PCDH15: variants seen among roughly 807,000 people sequenced by gnomAD.
PCDH15 encodes protocadherin-15.
A neutral mutation model predicts 178.5 loss-of-function variants in PCDH15; 129 were observed. The observed-to-expected ratio is 0.72, with a 90% confidence interval of 0.63 to 0.84. The LOEUF is 0.84. Ranked by LOEUF, PCDH15 falls within the 40% of genes least tolerant of loss-of-function variation. The pLI, the probability that PCDH15 is intolerant of heterozygous loss-of-function variation, is 0.00. For missense variants in PCDH15, 2,230 were observed against 2,099.9 expected (o/e 1.06, Z -1.21); for synonymous variants, 800 against 732.0 (o/e 1.09, Z -1.50).
intron 3 of PCDH15, among the ~76,000 whole-genome samples, chr10:54,877,547 C>A (rs1386975692): frequency 6.6e-6 from 1 of 152,068 alleles, no homozygotes; most frequent in East Asian, 1.9e-4. Flanking sequence ...TTCAATAATA[C>A]AATGTCTTGC....
chr10:55,017,084 G>A (rs1459741010), intron 2 of PCDH15, among the ~76,000 whole-genome samples: 1 of 152,104 alleles, frequency 6.6e-6, no homozygotes, highest in Non-Finnish European at 1.5e-5. Context: ...AAGGGAAATA[G>A]AGACCCCAAC....
At chr10:55,031,898 C>T (rs867849536) in intron 2 of PCDH15, among the ~76,000 whole-genome samples, 1 of 152,132 alleles carries the variant, frequency 6.6e-6, no homozygotes, top group Non-Finnish European at 1.5e-5. Context: ...TCTGTACACA[C>T]ACACACAAAT....
chr10:55,618,134 G>T (rs1406521796), intron 2 of PCDH15, among the ~76,000 whole-genome samples: 2 of 151,768 alleles, frequency 1.3e-5, no homozygotes, highest in Non-Finnish European at 2.9e-5. Flanking sequence ...TTTTTCTATT[G>T]CATTGCTGTT....
intron 1 of PCDH15, among the ~76,000 whole-genome samples, chr10:54,694,636 A>G (rs2095188648): frequency 6.6e-6 from 1 of 152,160 alleles, no homozygotes; most frequent in South Asian, 2.1e-4. Flanking sequence ...TATAGAGATC[A>G]GCGGTCTTTG....
rs1019864039 is a variant in PCDH15, at chr10:54,790,552, C to T, written c.-29+10373G>A. Among the ~76,000 whole-genome samples, 7 of 151,562 alleles carry T rather than the reference C, an allele frequency of 4.6e-5. No individual in the cohort carries two copies. The East Asian group carries it at 1.2e-3, about 25-fold the overall frequency. ...CTTTGCAGGCTGCTTATTTTTTTCC[C>T]GCAGAAAGTTGTCTGGGGTAACAAA... On this transcript the variant is annotated intron_variant, in intron 1 of 37. Transcript: ENST00000644397.
Position 53,837,251 on chromosome 10 carries a change from A to G in PCDH15, c.3983+3069T>C, listed in dbSNP as rs547367984. Among the ~76,000 whole-genome samples, 3 of 152,146 alleles carry G rather than the reference A, an allele frequency of 2.0e-5. No individual in the cohort carries two copies. The South Asian group carries it at 6.2e-4, about 32-fold the overall frequency. On this transcript the variant is annotated intron_variant, in intron 29 of 37. Coordinates refer to ENST00000644397, the MANE Select transcript of PCDH15 (RefSeq NM_001384140.1). ...TATTCCAGAAATAAAAAAAGAAAAAACTCAAAATCAAACTCACAAAAAAAT... is the reference window on the plus strand; with the variant it reads ...TATTCCAGAAATAAAAAAAGAAAAAGCTCAAAATCAAACTCACAAAAAAAT...
chr10:55,220,890 G>A (rs1840854128), intron 1 of PCDH15, among the ~76,000 whole-genome samples: 2 of 151,626 alleles, frequency 1.3e-5, no homozygotes, highest in African/African-American at 4.9e-5. Context: ...ATTCCTCACT[G>A]GGCTTTATTT....
intron 18 of PCDH15, among the ~76,000 whole-genome samples, chr10:54,056,337 G>T (rs1018217496): frequency 1.3e-5 from 2 of 152,068 alleles, no homozygotes; most frequent in Non-Finnish European, 2.9e-5. Flanking sequence ...GCTAAAAAAG[G>T]CATACCTGAG....
chr10:54,596,692 C>G (rs891023087), intron 2 of PCDH15, among the ~76,000 whole-genome samples: 2 of 152,080 alleles, frequency 1.3e-5, no homozygotes, highest in African/African-American at 4.8e-5. Context: ...TGTATGCTGT[C>G]TGCAAGAGAC....
chr10:54,130,082 C>T (rs936639086), intron 15 of PCDH15, among the ~76,000 whole-genome samples: 1 of 151,828 alleles, frequency 6.6e-6, no homozygotes, highest in Admixed American at 6.6e-5. Context: ...TATTTAGTAC[C>T]CTTGCCTCAT....
At chr10:54,492,972 T>C (rs1227685965) in intron 3 of PCDH15, among the ~76,000 whole-genome samples, 3 of 152,084 alleles carry the variant, frequency 2.0e-5, no homozygotes, top group Admixed American at 6.6e-5. Context: ...ATGTCTTACA[T>C]AGATGGCAGC....
chr10:54,855,263 G>T (rs538654393), intron 3 of PCDH15, among the ~76,000 whole-genome samples: 6 of 152,176 alleles, frequency 3.9e-5, no homozygotes, highest in African/African-American at 1.2e-4. Flanking sequence ...AGGAGACCCA[G>T]GTCTGCAGCT....
chr10:55,007,353 A>G (rs1839955839), intron 2 of PCDH15, among the ~76,000 whole-genome samples: 1 of 150,930 alleles, frequency 6.6e-6, no homozygotes, highest in African/African-American at 2.4e-5. Flanking sequence ...GAGAAAACAT[A>G]CTTTCAGAAA....
At chr10:55,040,386 TCTTC>T (rs1044654540) in intron 2 of PCDH15, among the ~76,000 whole-genome samples, 8 of 152,176 alleles carry the variant, frequency 5.3e-5, no homozygotes, top group African/African-American at 1.7e-4. Flanking sequence ...CCCAGACTGT[TCTTC>T]CTTGTTTTAC....
rs534677763 is a variant in PCDH15, at chr10:55,001,208, T to C, written c.-79-103708A>G. On this transcript the variant is annotated intron_variant, in intron 2 of 5. Transcript: ENST00000458638. Reference sequence around the variant, plus strand: ...GCAGAAAGAAGCTACCCACTTCGGGTCTCCTGAGAGCTGTTCTGTTGCCCA... The same window carrying C: ...GCAGAAAGAAGCTACCCACTTCGGGCCTCCTGAGAGCTGTTCTGTTGCCCA... Among the ~76,000 whole-genome samples the C allele has an allele frequency of 3.9e-5, 6 of 152,230 alleles. No individual in the cohort carries two copies. In the South Asian group the frequency reaches 1.2e-3, roughly 32 times the overall value.
intron 2 of PCDH15, among the ~76,000 whole-genome samples, chr10:55,462,475 T>G (rs539834993): frequency 7.9e-4 from 121 of 152,264 alleles, no homozygotes; most frequent in East Asian, 1.7e-3. Context: ...TATAACTTCT[T>G]CTGAGTATGG....
At chr10:53,867,067 A>G (rs1388980540) in intron 26 of PCDH15, among the ~76,000 whole-genome samples, 1 of 152,098 alleles carries the variant, frequency 6.6e-6, no homozygotes, top group East Asian at 1.9e-4. Context: ...GAATGATAAT[A>G]ACTGCTGAAG....
intron 3 of PCDH15, among the ~76,000 whole-genome samples, chr10:54,827,195 A>G (rs73254004): frequency 6.6e-6 from 1 of 152,122 alleles, no homozygotes; most frequent in East Asian, 1.9e-4. Flanking sequence ...ACTAGCAATG[A>G]CATTGATATG....
chr10:53,898,766 G>A (rs10740558), intron 26 of PCDH15, among the ~76,000 whole-genome samples: 97,195 of 151,974 alleles, frequency 0.64, 32,264 homozygotes, highest in East Asian at 0.87. Flanking sequence ...ATTTGCAAAG[G>A]TAACAGGACA....
Sources: allele counts gnomAD v4.1 joint callset (sites outside exome capture counted in the v4.1 genomes callset), GRCh38; gene constraint gnomAD v4.1.1; transcripts MANE v1.5; gene names NCBI Gene and HGNC (gene_info 2026-07-23, HGNC 2026-07-21).